AP1S3: variants seen among roughly 807,000 people sequenced by gnomAD.
AP1S3 encodes AP-1 complex subunit sigma-3.
A neutral mutation model predicts 20.9 loss-of-function variants in AP1S3; 10 were observed. That is an observed-to-expected ratio of 0.48 (90% confidence interval 0.29 to 0.81). The LOEUF is 0.81. Ranked by LOEUF, AP1S3 falls within the 30% of genes least tolerant of loss-of-function variation. The pLI, the probability that AP1S3 is intolerant of heterozygous loss-of-function variation, is 0.08. For synonymous variants in AP1S3, 41 were observed against 61.5 expected, an observed-to-expected ratio of 0.67 and a Z score of 1.56; for missense variants, 154 against 183.8, an observed-to-expected ratio of 0.84 and a Z score of 0.94.
rs10527751 is a variant in AP1S3, at chr2:223,799,208, GACACACACACAC to G, written c.4-21351_4-21340del. On this transcript the variant is annotated intron_variant, in intron 1 of 4. Coordinates refer to ENST00000396654, the MANE Select transcript of AP1S3 (RefSeq NM_001039569.2). ...CATATAAAAGGGAAATTCGGGCCTA[GACACACACACAC>G]ACACACACACACACACACACACACA... 2.7e-3 allele frequency among the ~76,000 whole-genome samples: 394 copies of G among 145,998 alleles called. 1 individual carries two copies. Among genetic ancestry groups the G allele is most frequent in the African/African-American group, 9.0e-3 (361 of 39,904 alleles).
intron 1 of AP1S3, 53 bp downstream of exon 1, chr2:223,837,395 G>GGAGCGC (rs1692430360): frequency 3.0e-6 from 3 of 1,010,154 alleles, no homozygotes; most frequent in Admixed American, 9.7e-5. Context: ...GTGCCTCCCC[G>GGAGCGC]GAGCGCGAGC....
chr2:223,766,688 G>A lies in AP1S3; in HGVS notation c.292-1338C>T, dbSNP rs578104126. Among the ~76,000 whole-genome samples, 7 of 152,174 alleles carry A rather than the reference G, an allele frequency of 4.6e-5. No individual in the cohort carries two copies. The South Asian group carries it at 6.2e-4, about 14-fold the overall frequency. On this transcript the variant is annotated intron_variant, in intron 3 of 4. Coordinates refer to ENST00000396654, the MANE Select transcript of AP1S3 (RefSeq NM_001039569.2). ...TAGAGCCAGAAATACCATTTGACCC[G>A]GCAATCCCATTACTGGGTATATACC...
chr2:223,800,295 G>C lies in AP1S3; in HGVS notation c.4-22426C>G, dbSNP rs80134271. Among the ~76,000 whole-genome samples, 70 of 151,946 alleles carry C rather than the reference G, an allele frequency of 4.6e-4. 1 individual carries two copies. The East Asian group carries it at 0.012, about 26-fold the overall frequency. On this transcript the variant is annotated intron_variant, in intron 1 of 4. Transcript: ENST00000396654. ...TATCTGTAATCCCAGAGCTTCAGGA[G>C]GCTGAGGCAAAAGGATCACTTGAGG...
chr2:223,785,329 C>T (rs946729536), intron 1 of AP1S3, among the ~76,000 whole-genome samples: 20 of 151,728 alleles, frequency 1.3e-4, no homozygotes, highest in Admixed American at 3.9e-4. Flanking sequence ...GCAATAAGAC[C>T]GAAACTCCAT....
intron 1 of AP1S3, among the ~76,000 whole-genome samples, chr2:223,833,535 C>T (rs1009648072): frequency 1.3e-5 from 2 of 152,150 alleles, no homozygotes; most frequent in Non-Finnish European, 2.9e-5. Context: ...GTCACTGGCA[C>T]CATGGAATCA....
At chr2:223,774,379 TAAATAAATA>T (rs1690711003) in intron 3 of AP1S3, among the ~76,000 whole-genome samples, 1 of 19,998 alleles carries the variant, frequency 5.0e-5, no homozygotes, top group Non-Finnish European at 7.9e-5. Context: ...AAATAATAAA[TAAATAAATA>T]AATAAATAAA....
At chr2:223,836,594 G>A (rs750747074) in intron 1 of AP1S3, among the ~76,000 whole-genome samples, 4 of 152,182 alleles carry the variant, frequency 2.6e-5, no homozygotes, top group Non-Finnish European at 1.5e-5. Context: ...ACAAAAATTA[G>A]CTGGGTGTGG....
chr2:223,820,920 C>T (rs1315487789), intron 1 of AP1S3, among the ~76,000 whole-genome samples: 1 of 152,110 alleles, frequency 6.6e-6, no homozygotes, highest in Non-Finnish European at 1.5e-5. Context: ...TCCTCCTTCC[C>T]CATCATGCCT....
chr2:223,831,043 G>A (rs934914237), intron 1 of AP1S3, among the ~76,000 whole-genome samples: 1 of 151,800 alleles, frequency 6.6e-6, no homozygotes, highest in Non-Finnish European at 1.5e-5. Flanking sequence ...CTTTTTAATA[G>A]AGACTGAGTC....
chr2:223,832,233 C>T (rs1213651344), intron 1 of AP1S3, among the ~76,000 whole-genome samples: 4 of 149,370 alleles, frequency 2.7e-5, no homozygotes, highest in Admixed American at 6.7e-5. Flanking sequence ...AAATAATTCA[C>T]GGGACCCAAA....
intron 1 of AP1S3, among the ~76,000 whole-genome samples, chr2:223,782,920 C>T (rs1690984049): frequency 6.6e-6 from 1 of 152,114 alleles, no homozygotes; most frequent in African/African-American, 2.4e-5. Flanking sequence ...AGTTCATCAC[C>T]TCCAGCAATT....
intron 1 of AP1S3, among the ~76,000 whole-genome samples, chr2:223,828,497 A>G (rs1692186355): frequency 6.6e-6 from 1 of 152,050 alleles, no homozygotes; most frequent in African/African-American, 2.4e-5. Flanking sequence ...CCCCTACCCC[A>G]TGTGCCACAT....
intron 1 of AP1S3, among the ~76,000 whole-genome samples, chr2:223,801,308 T>A (rs1691460639): frequency 6.6e-6 from 1 of 152,194 alleles, no homozygotes; most frequent in Admixed American, 6.6e-5. Context: ...AGAGCTGGGC[T>A]TTGATTCCAG....
chr2:223,803,566 G>A (rs1385213810), intron 1 of AP1S3, among the ~76,000 whole-genome samples: 1 of 152,104 alleles, frequency 6.6e-6, no homozygotes, highest in Admixed American at 6.6e-5. Context: ...GTACACCTGA[G>A]TTTAGAAAAT....
intron 1 of AP1S3, among the ~76,000 whole-genome samples, chr2:223,825,010 A>G (rs992378056): frequency 2.6e-5 from 4 of 152,066 alleles, no homozygotes; most frequent in South Asian, 2.1e-4. Flanking sequence ...GGAAGTGTCA[A>G]TAAGAAAACA....
chr2:223,810,149 C>T (rs1296469350), intron 1 of AP1S3, among the ~76,000 whole-genome samples: 1 of 152,146 alleles, frequency 6.6e-6, no homozygotes, highest in Non-Finnish European at 1.5e-5. Flanking sequence ...GCTTATTAAA[C>T]TGTTCAGGAC....
rs1210481910 is a variant in AP1S3, at chr2:223,756,999, T to C, written c.*1716A>G. The C allele has an allele frequency of 2.2e-5, 22 of 984,034 alleles. No individual in the cohort carries two copies. The highest frequency in any genetic ancestry group is 2.7e-5 in the Non-Finnish European group (22 of 829,140). The allele number at this position is 984,034 out of a possible 1,614,324, so 61.0% of individuals were successfully genotyped here. A position where few individuals can be genotyped will look rare whatever the true frequency, so the allele number is the denominator to read the frequency against. The stretch of plus-strand genomic sequence containing the variant: ...AGCTTTTACTTTTTCTTTTTTTTTT[T>C]TTTTTTCTTGAGACGCAGTCTTGCT... On this transcript the variant is annotated 3_prime_UTR_variant, in exon 5 of 5. Transcript: ENST00000396654.
chr2:223,788,101 C>T (rs1320788150), intron 1 of AP1S3, among the ~76,000 whole-genome samples: 2 of 151,904 alleles, frequency 1.3e-5, no homozygotes, highest in Non-Finnish European at 2.9e-5. Flanking sequence ...CATGTGCCAC[C>T]ATGCCTGGCT....
chr2:223,770,727 A>ATTTTTT lies in AP1S3; in HGVS notation c.291+5168_291+5173dup, dbSNP rs764596538. On this transcript the variant is annotated intron_variant, in intron 3 of 4. Transcript: ENST00000396654. ...TCCAGGAAGACCCTTAGACCAGTTC[A>ATTTTTT]TTTTTTTTTTTTTTTTTTTGGAAAC... Among the ~76,000 whole-genome samples the ATTTTTT allele has an allele frequency of 5.3e-3, 609 of 115,296 alleles. 69 individuals are homozygous for ATTTTTT. Among genetic ancestry groups the ATTTTTT allele is most frequent in the African/African-American group, 0.019 (525 of 27,452 alleles). 75.6% of individuals were successfully genotyped at this position (115,296 alleles called of 152,430 possible).
Sources: gnomAD v4.1 joint callset for allele counts (sites outside exome capture counted in the v4.1 genomes callset) on GRCh38, gnomAD v4.1.1 for gene constraint, MANE v1.5 for transcripts, NCBI Gene and HGNC (gene_info 2026-07-23, HGNC 2026-07-21) for gene names.